UTRN: variants seen among roughly 807,000 people sequenced by gnomAD.
UTRN encodes the protein dystrophin-related protein 1.
A neutral mutation model predicts 463.9 loss-of-function variants in UTRN; 283 were observed. That is an observed-to-expected ratio of 0.61 (90% CI 0.55 to 0.67). UTRN has a LOEUF of 0.67. Among genes scored for constraint, UTRN ranks in the 30% least tolerant of loss-of-function variants. The pLI, the probability that UTRN is intolerant of heterozygous loss-of-function variation, is 0.00. For synonymous variants in UTRN, 1,442 were observed against 1,431.5 expected, an observed-to-expected ratio of 1.01 and a Z score of -0.17; for missense variants, 3,922 against 4,084.3, an observed-to-expected ratio of 0.96 and a Z score of 1.08.
At chr6:144,348,249 G>A (rs994825957) in intron 2 of UTRN, among the ~76,000 whole-genome samples, 7 of 152,136 alleles carry the variant, frequency 4.6e-5, no homozygotes, top group African/African-American at 1.4e-4. Flanking sequence ...CCTAGCACAC[G>A]CCCAGCTCTG....
intron 2 of UTRN, among the ~76,000 whole-genome samples, chr6:144,369,066 T>C (rs1021056464): frequency 5.3e-5 from 8 of 152,258 alleles, no homozygotes; most frequent in Admixed American, 2.6e-4. Flanking sequence ...GTGGAGGTTA[T>C]AGAATTTCTG....
At chr6:144,410,747 C>A (rs980996721) in intron 3 of UTRN, among the ~76,000 whole-genome samples, 1 of 151,872 alleles carries the variant, frequency 6.6e-6, no homozygotes, top group Non-Finnish European at 1.5e-5. Context: ...CTGCAGATAC[C>A]ATTATTTCAT....
chr6:144,550,864 G>T, intron 47 of UTRN, 101 bp from the exon 48 acceptor site: 2 of 981,192 alleles, frequency 2.0e-6, no homozygotes, highest in Non-Finnish European at 2.9e-6. Flanking sequence ...TGCCATAGAG[G>T]AGGAAAACAA....
chr6:144,330,528 T>C (rs1776261704), intron 2 of UTRN, among the ~76,000 whole-genome samples: 1 of 152,190 alleles, frequency 6.6e-6, no homozygotes, highest in Non-Finnish European at 1.5e-5. Context: ...CCTTAACATT[T>C]TTCCTCACTC....
intron 6 of UTRN, 101 bp downstream of exon 6, chr6:144,424,179 C>A: frequency 1.6e-6 from 2 of 1,240,540 alleles, no homozygotes; most frequent in Non-Finnish European, 1.1e-6. Context: ...AGCTGCTTGG[C>A]TTGAACAACA....
intron 2 of UTRN, among the ~76,000 whole-genome samples, chr6:144,385,219 A>C (rs1258018273): frequency 6.6e-6 from 1 of 152,224 alleles, no homozygotes; most frequent in Non-Finnish European, 1.5e-5. Context: ...GAGACAAGAA[A>C]GAAAACAGAG....
chr6:144,437,929 T>A (rs1786744203), intron 11 of UTRN, among the ~76,000 whole-genome samples, 183 bp downstream of exon 11: 1 of 152,212 alleles, frequency 6.6e-6, no homozygotes. Flanking sequence ...CTTTGATGTG[T>A]TAGCCACACC....
chr6:144,303,002 G>A (rs1314049525), intron 2 of UTRN, among the ~76,000 whole-genome samples: 1 of 152,184 alleles, frequency 6.6e-6, no homozygotes, highest in Non-Finnish European at 1.5e-5. Flanking sequence ...CCTGTAAGAA[G>A]CCACTACAGG....
intron 35 of UTRN, among the ~76,000 whole-genome samples, chr6:144,513,639 GA>G (rs771733252): frequency 2.6e-5 from 4 of 152,164 alleles, no homozygotes; most frequent in African/African-American, 7.2e-5. Flanking sequence ...CATTGAAATT[GA>G]AAAAGAAACT....
chr6:144,850,825 T>G (rs1465812698), intron 74 of UTRN, among the ~76,000 whole-genome samples, 164 bp from the exon 75 acceptor site: 7 of 152,192 alleles, frequency 4.6e-5, no homozygotes. Flanking sequence ...GCAGACTAGG[T>G]AACTTCAGCA....
chr6:144,614,752 T>A (rs1218459513), intron 51 of UTRN, among the ~76,000 whole-genome samples: 1 of 152,176 alleles, frequency 6.6e-6, no homozygotes, highest in Non-Finnish European at 1.5e-5. Context: ...GTGTTAAATA[T>A]GTGGATGAAT....
At chr6:144,738,238 T>G (rs1789658784) in intron 54 of UTRN, among the ~76,000 whole-genome samples, 1 of 152,216 alleles carries the variant, frequency 6.6e-6, no homozygotes, top group South Asian at 2.1e-4. Flanking sequence ...CTCTTAAACT[T>G]GCATCCATGT....
At chr6:144,621,570 T>G (rs1377045343) in intron 51 of UTRN, among the ~76,000 whole-genome samples, 1 of 152,192 alleles carries the variant, frequency 6.6e-6, no homozygotes, top group Non-Finnish European at 1.5e-5. Context: ...TATTCTCTCC[T>G]TGATGGCAAT....
intron 66 of UTRN, among the ~76,000 whole-genome samples, chr6:144,822,277 T>C (rs892784359): frequency 2.0e-5 from 3 of 152,126 alleles, no homozygotes; most frequent in African/African-American, 7.2e-5. Context: ...ATTTGTGGAA[T>C]GGCTAAGAAA....
chr6:144,605,730 A>G (rs1183661925), intron 51 of UTRN, among the ~76,000 whole-genome samples: 1 of 149,378 alleles, frequency 6.7e-6, no homozygotes, highest in Non-Finnish European at 1.5e-5. Flanking sequence ...TGAACTTAAT[A>G]CTTAAGTATA....
Position 144,392,130 on chromosome 6 carries a change from A to G in UTRN, c.80-10993A>G, listed in dbSNP as rs144492685. On this transcript the variant is annotated intron_variant, in intron 2 of 74. Transcript: ENST00000367545. ...AAAGACTATAAAATATATTTTCAAG[A>G]TGTTTTAAAATATTGAGTATATGTT... Among the ~76,000 whole-genome samples, 9 of 152,358 alleles carry G rather than the reference A, an allele frequency of 5.9e-5. No individual in the cohort carries two copies. In the East Asian group the frequency reaches 1.5e-3, roughly 26 times the overall value.
At chr6:144,309,656 T>C (rs1305456312) in intron 2 of UTRN, among the ~76,000 whole-genome samples, 1 of 152,208 alleles carries the variant, frequency 6.6e-6, no homozygotes, top group Non-Finnish European at 1.5e-5. Context: ...AATTGCCTCC[T>C]TACTTGTCTC....
intron 1 of UTRN, among the ~76,000 whole-genome samples, chr6:144,289,795 C>A (rs1054128909): frequency 6.6e-6 from 1 of 152,056 alleles, no homozygotes; most frequent in Non-Finnish European, 1.5e-5. Context: ...ATTACAGGCA[C>A]CTGCCACCAC....
At chr6:144,578,367 T>C (rs975267816) in intron 51 of UTRN, among the ~76,000 whole-genome samples, 5 of 152,174 alleles carry the variant, frequency 3.3e-5, no homozygotes, top group African/African-American at 1.2e-4. Flanking sequence ...GTTGTTGTTG[T>C]TTTGTTGCCC....
Sources: gnomAD v4.1 joint callset for allele counts (sites outside exome capture counted in the v4.1 genomes callset) on GRCh38, gnomAD v4.1.1 for gene constraint, MANE v1.5 for transcripts, NCBI Gene and HGNC (gene_info 2026-07-23, HGNC 2026-07-21) for gene names.